Variants in OTOG observed in about 807,000 individuals in gnomAD.
OTOG encodes otogelin.
Under a neutral mutation model 313.8 loss-of-function variants are expected in OTOG, and 296 were observed. The ratio of observed to expected loss-of-function variants is 0.94; its 90% CI spans 0.86 to 1.04. OTOG has a LOEUF of 1.04. OTOG is among the 50% of genes least tolerant of loss of function. OTOG has a pLI of 0.00. For missense variants in OTOG, 3,948 were observed against 3,840.1 expected, an observed-to-expected ratio of 1.03 and a Z score of -0.74; for synonymous variants, 1,533 against 1,554.9, an observed-to-expected ratio of 0.99 and a Z score of 0.33.
chr11:17,572,836 A>G (rs1338239916), intron 18 of OTOG, among the ~76,000 whole-genome samples: 2 of 152,102 alleles, frequency 1.3e-5, no homozygotes, highest in African/African-American at 2.4e-5. Context: ...TTTTTTAGTG[A>G]CTGTCTCCTT....
chr11:17,638,878 A>G (rs948567361), intron 48 of OTOG: 346 of 1,043,176 alleles, frequency 3.3e-4, no homozygotes, highest in Non-Finnish European at 4.5e-4. Flanking sequence ...CGGGTGGATC[A>G]TGAGGTCAGG....
At chr11:17,587,766 C>A (rs1363243401) in intron 24 of OTOG, among the ~76,000 whole-genome samples, 4 of 152,206 alleles carry the variant, frequency 2.6e-5, no homozygotes, top group Non-Finnish European at 4.4e-5. Flanking sequence ...CAGACCTCTG[C>A]ACAGGCTGTG....
chr11:17,621,006 C>T (rs747575921), intron 39 of OTOG, among the ~76,000 whole-genome samples: 7 of 152,126 alleles, frequency 4.6e-5, no homozygotes, highest in Non-Finnish European at 8.8e-5. Flanking sequence ...ATTTCTTGAG[C>T]ACATATAGTT....
At chr11:17,557,991 G>T (rs1166115526) in intron 8 of OTOG, among the ~76,000 whole-genome samples, 194 bp from the exon 9 acceptor site, 1 of 152,122 alleles carries the variant, frequency 6.6e-6, no homozygotes, top group Non-Finnish European at 1.5e-5. Flanking sequence ...AGCATTCTTG[G>T]CTATTACTAT....
intron 7 of OTOG, 112 bp downstream of exon 7, chr11:17,556,009 C>A: frequency 1.3e-6 from 1 of 797,324 alleles, no homozygotes; most frequent in Non-Finnish European, 2.0e-6. Context: ...TGGGGACAAA[C>A]AGCAATTTCC....
At position 17,610,248 on chromosome 11, in the gene OTOG, T is replaced by A; in HGVS notation, c.4948T>A (p.Ser1650Thr). ...AAGTCCCTCCTCCAGACCTGTGGCT[T>A]CCCCTGGAGCCATCTCCAGGTCCCC... ...TASPSSRPVA[S>T]PGAISRSPTS... Residue 1650 changes from serine (S) to threonine (T), a missense_variant, in exon 36 of 56, where the codon TCC (serine) becomes ACC (threonine). Physicochemically the swap from Ser to Thr is moderately conservative, Grantham distance 58. Coordinates refer to ENST00000399397, the MANE Select transcript of OTOG (RefSeq NM_001292063.2). The A allele has an allele frequency of 6.4e-7, 1 of 1,550,392 alleles. No individual in the cohort carries two copies. Among genetic ancestry groups the A allele is most frequent in the Non-Finnish European group, 8.7e-7 (1 of 1,146,902 alleles).
At chr11:17,613,802 G>A (rs544839314) in intron 39 of OTOG, 101 bp downstream of exon 39, 2 of 974,580 alleles carry the variant, frequency 2.1e-6, no homozygotes, top group African/African-American at 1.6e-5. Flanking sequence ...CATGATTCAG[G>A]GCAGGGGTGG....
intron 44 of OTOG, among the ~76,000 whole-genome samples, chr11:17,634,630 G>T (rs558936566): frequency 6.6e-6 from 1 of 152,138 alleles, no homozygotes; most frequent in Non-Finnish European, 1.5e-5. Context: ...GATGGGGTGC[G>T]TGTCAATGGA....
In OTOG at chr11:17,613,777, G is replaced by A. The variant is rs71484777; in HGVS notation, c.6528+76G>A. ...GGACAGGGCATCCAGGGGTGGAGGG[G>A]CTGTGAGGCTGAATCATGATTCAGG... is the stretch of plus-strand genomic sequence containing the variant. On this transcript the variant is annotated intron_variant, in intron 39 of 55. Coordinates refer to ENST00000399397, the MANE Select transcript of OTOG (RefSeq NM_001292063.2). The A allele has an allele frequency of 3.4e-3, 4,290 of 1,265,596 alleles. 22 individuals carry two copies. Among genetic ancestry groups the A allele is most frequent in the Non-Finnish European group, 4.4e-3 (3,887 of 890,606 alleles). 78.4% of individuals were successfully genotyped at this position (1,265,596 alleles called of 1,614,324 possible).
At chr11:17,607,380 G>A (rs1322715041) in intron 33 of OTOG, among the ~76,000 whole-genome samples, 1 of 152,190 alleles carries the variant, frequency 6.6e-6, no homozygotes, top group East Asian at 1.9e-4. Flanking sequence ...GGGTCTACTT[G>A]TCTGCCTCCA....
intron 39 of OTOG, among the ~76,000 whole-genome samples, chr11:17,620,975 CA>C (rs1298123162): frequency 2.0e-5 from 3 of 152,138 alleles, no homozygotes; most frequent in Non-Finnish European, 2.9e-5. Flanking sequence ...ATGAACATCT[CA>C]CCTTCTTCTG....
At chr11:17,632,602 A>T (rs1205858466) in intron 42 of OTOG, among the ~76,000 whole-genome samples, 1 of 152,128 alleles carries the variant, frequency 6.6e-6, no homozygotes, top group Non-Finnish European at 1.5e-5. Flanking sequence ...GTGCTCACAT[A>T]GACCTGCCCC....
intron 37 of OTOG, 90 bp from the exon 38 acceptor site, chr11:17,612,530 G>T: frequency 6.9e-7 from 1 of 1,456,632 alleles, no homozygotes. Flanking sequence ...ATCCATCCAG[G>T]AAAAGGGCCA....
intron 15 of OTOG, among the ~76,000 whole-genome samples, chr11:17,563,794 C>T (rs1386279329): frequency 1.3e-5 from 2 of 152,010 alleles, no homozygotes; most frequent in African/African-American, 2.4e-5. Flanking sequence ...GCTCTTCCCA[C>T]CTCAGCCTCC....
chr11:17,642,359 T>C, intron 53 of OTOG, 113 bp downstream of exon 53: 6 of 1,363,180 alleles, frequency 4.4e-6, no homozygotes, highest in Non-Finnish European at 5.8e-6. Flanking sequence ...CCCTGGAGCC[T>C]GTGCCTGCAC....
chr11:17,600,701 C>A (rs1304860180), intron 31 of OTOG, among the ~76,000 whole-genome samples: 2 of 152,214 alleles, frequency 1.3e-5, no homozygotes, highest in Non-Finnish European at 2.9e-5. Flanking sequence ...AATGAGCCTG[C>A]AATGGGGGAA....
intron 38 of OTOG, among the ~76,000 whole-genome samples, chr11:17,613,267 C>CTTTCTT (rs1209997346): frequency 5.0e-5 from 7 of 139,310 alleles, no homozygotes; most frequent in Non-Finnish European, 9.2e-5. Flanking sequence ...TTCTTTCTTT[C>CTTTCTT]TCTCTCTGTC....
intron 23 of OTOG, among the ~76,000 whole-genome samples, chr11:17,583,641 T>C (rs576502128): frequency 6.6e-6 from 1 of 152,318 alleles, no homozygotes; most frequent in Admixed American, 6.5e-5. Flanking sequence ...TACACGTGGG[T>C]ATATTTCAGG....
intron 28 of OTOG, 134 bp downstream of exon 28, chr11:17,594,300 G>T: frequency 8.6e-7 from 1 of 1,168,372 alleles, no homozygotes; most frequent in Non-Finnish European, 1.2e-6. Context: ...GCCTCTGACT[G>T]CATCCCTAGC....
Sources: allele counts gnomAD v4.1 joint callset (sites outside exome capture counted in the v4.1 genomes callset), GRCh38; gene constraint gnomAD v4.1.1; transcripts MANE v1.5; gene names NCBI Gene and HGNC (gene_info 2026-07-23, HGNC 2026-07-21).